The following BCL11A variants were observed in gnomAD, a reference collection of about 807,000 sequenced individuals.
BCL11A encodes BCL11 transcription factor A, also known as B cell CLL/lymphoma 11A.
In BCL11A, 2 loss-of-function variants were observed where a neutral mutation model predicts 55.9. The ratio of observed to expected loss-of-function variants is 0.04; its 90% CI spans 0.01 to 0.11. The LOEUF is 0.11. Ranked by LOEUF, BCL11A falls within the 10% of genes least tolerant of loss-of-function variation. The pLI, the probability that BCL11A is intolerant of heterozygous loss-of-function variation, is 1.00. For synonymous variants in BCL11A, 465 were observed against 473.4 expected (o/e 0.98, Z 0.23); for missense variants, 817 against 1,137.1 (o/e 0.72, Z 4.05).
chr2:60,498,952 G>A (rs1476113592), intron 2 of BCL11A, among the ~76,000 whole-genome samples: 1 of 151,998 alleles, frequency 6.6e-6, no homozygotes, highest in Non-Finnish European at 1.5e-5. Context: ...AGGTGGTGGT[G>A]GTGGGTGGTG....
At chr2:60,455,076 G>A (rs1279595519), downstream of BCL11A, among the ~76,000 whole-genome samples, 1 of 152,126 alleles carries the variant, frequency 6.6e-6, no homozygotes, top group Non-Finnish European at 1.5e-5. Context: ...TCAGGAAGGA[G>A]GTAATATAGG....
chr2:60,472,136 C>T (rs529107500), intron 2 of BCL11A, among the ~76,000 whole-genome samples: 1 of 152,306 alleles, frequency 6.6e-6, no homozygotes, highest in Admixed American at 6.5e-5. Flanking sequence ...ATTCAGGTTC[C>T]ACCCTCCGTC....
chr2:60,491,909 C>CT (rs1678663115), intron 2 of BCL11A, among the ~76,000 whole-genome samples: 1 of 152,092 alleles, frequency 6.6e-6, no homozygotes, highest in Non-Finnish European at 1.5e-5. Flanking sequence ...ACAAATCTGC[C>CT]AAATAAATGA....
chr2:60,553,012 T>G (rs1018729530), intron 1 of BCL11A, among the ~76,000 whole-genome samples: 1 of 151,654 alleles, frequency 6.6e-6, no homozygotes, highest in Admixed American at 6.6e-5. Flanking sequence ...GCGTGCTGTC[T>G]CAAAAGTGCA....
At chr2:60,526,025 G>C (rs1273951435) in intron 2 of BCL11A, 1 of 152,222 alleles carries the variant, frequency 6.6e-6, no homozygotes, top group Non-Finnish European at 1.5e-5. Flanking sequence ...TTTTCTGGTA[G>C]AGGATGGCAG....
chr2:60,533,577 C>T (rs950613725), intron 2 of BCL11A: 1 of 152,178 alleles, frequency 6.6e-6, no homozygotes, highest in African/African-American at 2.4e-5. Flanking sequence ...TGACCATTTT[C>T]AAATAGCAAA....
At position 60,459,733 on chromosome 2, in the gene BCL11A, T is replaced by C. The variant is rs1676128171; in HGVS notation, c.*671A>G. On this transcript the variant is annotated 3_prime_UTR_variant, in exon 4 of 4. Transcript: ENST00000642384. Reference sequence around the variant, plus strand: ...AAACTTGTTCTGTTTTTCTGTTAATTTGTCAATTCAAGGCCTTTTTTCTTC... The same window carrying C: ...AAACTTGTTCTGTTTTTCTGTTAATCTGTCAATTCAAGGCCTTTTTTCTTC... 9.6e-7 allele frequency: 1 copy of C among 1,038,764 alleles called. No individual in the cohort carries two copies. The highest frequency in any genetic ancestry group is 1.2e-6 in the Non-Finnish European group (1 of 862,280). The allele number at this position is 1,038,764 out of a possible 1,614,324, so 64.3% of individuals were successfully genotyped here. A position where few individuals can be genotyped will look rare whatever the true frequency, so the allele number is the denominator to read the frequency against.
chr2:60,523,679 A>T (rs971382072), intron 2 of BCL11A, among the ~76,000 whole-genome samples: 2 of 151,830 alleles, frequency 1.3e-5, no homozygotes, highest in Non-Finnish European at 2.9e-5. Flanking sequence ...AAGAGTTAAT[A>T]AGCCTTTTAT....
downstream of BCL11A, chr2:60,452,705 A>AG (rs757675521): frequency 6.1e-6 from 9 of 1,485,970 alleles, no homozygotes; most frequent in South Asian, 1.0e-4. Flanking sequence ...GGAAAAAAAA[A>AG]GTACAGGTGT....
chr2:60,454,874 A>G (rs71526492), downstream of BCL11A, among the ~76,000 whole-genome samples: 10 of 152,234 alleles, frequency 6.6e-5, no homozygotes, highest in Non-Finnish European at 1.3e-4. Context: ...CTTATTGCAT[A>G]TACAAAAATG....
At chr2:60,513,405 C>A (rs1310787907) in intron 2 of BCL11A, among the ~76,000 whole-genome samples, 2 of 152,176 alleles carry the variant, frequency 1.3e-5, no homozygotes, top group Admixed American at 6.5e-5. Context: ...CTCCACGCCC[C>A]ACTTGAGGCT....
rs1670165708 is a variant in BCL11A at position 60,546,492 on chromosome 2, G to A, written c.56-192C>T. ...AGGTTATCAACCAGAGAGCAAATTT[G>A]TCAATGAGGCAAATCATCACATATG... On this transcript the variant is annotated intron_variant, in intron 1 of 3. Transcript: ENST00000642384. This position sits in a 1 kb window ranked among gnomAD's most constrained non-coding sequence, Gnocchi z 4.1. The A allele has an allele frequency of 5.1e-6, 3 of 585,680 alleles. No individual in the cohort carries two copies. The highest frequency in any genetic ancestry group is 6.0e-6 in the Non-Finnish European group (2 of 331,828). 36.3% of individuals were successfully genotyped at this position (585,680 alleles called of 1,614,324 possible).
At chr2:60,479,903 C>A (rs12992182) in intron 2 of BCL11A, among the ~76,000 whole-genome samples, 26,809 of 152,194 alleles carry the variant, frequency 0.18, 2,968 homozygotes, top group Non-Finnish European at 0.25. Flanking sequence ...TCCCTTCCAC[C>A]AACCGTTTTT....
chr2:60,522,949 G>T (rs1053412027), intron 2 of BCL11A: 2 of 152,140 alleles, frequency 1.3e-5, no homozygotes. Flanking sequence ...AGACAGTGAG[G>T]TCTACAATAA....
intron 2 of BCL11A, among the ~76,000 whole-genome samples, chr2:60,513,838 C>A (rs1573037750): frequency 6.6e-6 from 1 of 152,244 alleles, no homozygotes; most frequent in Non-Finnish European, 1.5e-5. Flanking sequence ...AGGGCAGACT[C>A]TCTCTTCTCA....
At chr2:60,515,634 C>T (rs1402356040) in intron 2 of BCL11A, among the ~76,000 whole-genome samples, 1 of 152,204 alleles carries the variant, frequency 6.6e-6, no homozygotes, top group Non-Finnish European at 1.5e-5. Flanking sequence ...GATACAGAAA[C>T]AAGCCCTCCA....
chr2:60,543,830 G>C (rs1558514707), intron 2 of BCL11A: 4 of 152,160 alleles, frequency 2.6e-5, no homozygotes, highest in African/African-American at 9.7e-5. Flanking sequence ...ATCTTAGAGA[G>C]CTTTTCGTCT....
intron 2 of BCL11A, among the ~76,000 whole-genome samples, chr2:60,507,490 A>G (rs1679716408): frequency 6.6e-6 from 1 of 152,086 alleles, no homozygotes; most frequent in Non-Finnish European, 1.5e-5. Flanking sequence ...TTCAAGCCAG[A>G]AAAGTTAAAA....
rs1676326365 is a variant in BCL11A, at chr2:60,461,935, G to A, written c.977C>T (p.Thr326Met). The change falls in exon 4 of 4, where the codon ACG (threonine) becomes ATG (methionine). Residue 326 changes from threonine to methionine, a missense_variant. Transcript: ENST00000642384. ...GCCTGGGGACAGCGGTGGGCTAGAC[G>A]TGTTCCCTGCCAGCTCTCTAAGTCT... The part of the protein sequence containing the change: ...SRRLRELAGN[T>M]SSPPLSPGRP... 2 of 1,614,104 alleles carry A rather than the reference G, an allele frequency of 1.2e-6. No individual in the cohort carries two copies. Among genetic ancestry groups the A allele is most frequent in the Non-Finnish European group, 1.7e-6 (2 of 1,180,006 alleles).
Sources: allele counts gnomAD v4.1 joint callset (sites outside exome capture counted in the v4.1 genomes callset), GRCh38; gene constraint gnomAD v4.1.1; non-coding constraint Gnocchi (gnomAD v3.1); transcripts MANE v1.5; gene names NCBI Gene and HGNC (gene_info 2026-07-23, HGNC 2026-07-21).